Variants in ROBO2 observed in about 807,000 individuals in gnomAD.
ROBO2 encodes the protein roundabout homolog 2.
A neutral mutation model predicts 160.8 loss-of-function variants in ROBO2; 53 were observed. The observed-to-expected ratio is 0.33, with a 90% CI of 0.26 to 0.41. The LOEUF (loss-of-function observed/expected upper bound fraction) is 0.41, where lower values mean the gene tolerates loss of function less well. Ranked by LOEUF, ROBO2 falls within the 10% of genes least tolerant of loss-of-function variation. The pLI is 1.00. For synonymous variants in ROBO2, 664 were observed against 611.7 expected, an observed-to-expected ratio of 1.09 and a Z score of -1.26; for missense variants, 1,577 against 1,722.4, an observed-to-expected ratio of 0.92 and a Z score of 1.49.
intron 2 of ROBO2, among the ~76,000 whole-genome samples, chr3:77,368,132 T>G (rs2153474477): frequency 6.6e-6 from 1 of 152,226 alleles, no homozygotes; most frequent in Non-Finnish European, 1.5e-5. Flanking sequence ...TGGTCATAAG[T>G]TTTTCAAGGG....
At chr3:77,129,945 T>C (rs922782567) in intron 2 of ROBO2, among the ~76,000 whole-genome samples, 1 of 152,124 alleles carries the variant, frequency 6.6e-6, no homozygotes, top group African/African-American at 2.4e-5. Flanking sequence ...TCATTGCACG[T>C]CACCATCAGA....
intron 2 of ROBO2, among the ~76,000 whole-genome samples, chr3:77,440,277 C>G (rs1456468016): frequency 1.3e-5 from 2 of 152,222 alleles, no homozygotes; most frequent in East Asian, 3.9e-4. Context: ...CTTATTGAAT[C>G]CAGGCTTTGT....
chr3:76,364,228 C>T (rs1163967661), intron 2 of ROBO2, among the ~76,000 whole-genome samples: 3 of 152,066 alleles, frequency 2.0e-5, no homozygotes, highest in Admixed American at 6.6e-5. Context: ...ATTTAACTGA[C>T]ACTCCAGGAA....
intron 2 of ROBO2, among the ~76,000 whole-genome samples, chr3:76,550,364 C>A (rs1165648691): frequency 6.6e-6 from 1 of 152,212 alleles, no homozygotes; most frequent in African/African-American, 2.4e-5. Flanking sequence ...CCCTCTGTAT[C>A]CATAAATTCC....
intron 2 of ROBO2, among the ~76,000 whole-genome samples, chr3:76,576,078 A>G (rs370658456): frequency 6.6e-6 from 1 of 152,140 alleles, no homozygotes; most frequent in Non-Finnish European, 1.5e-5. Context: ...AGAAAATTCC[A>G]TAAGTGTGTT....
rs966066373 is a variant in ROBO2, at chr3:77,130,444, G to GT, written c.388+32104_388+32105insT. Among the ~76,000 whole-genome samples the GT allele has an allele frequency of 3.6e-3, 29 of 8,112 alleles. No homozygotes were observed. The South Asian group carries it at 0.068, about 19-fold the overall frequency. 5.3% of individuals were successfully genotyped at this position (8,112 alleles called of 152,430 possible). On this transcript the variant is annotated intron_variant, in intron 2 of 25. Coordinates refer to ENST00000461745, the Ensembl canonical transcript of ROBO2. ...ATAAACAGCAAGTAATAAGTAATTA[G>GT]CAAAAAAAAATAAAGTGAGAAATGT...
At chr3:77,427,058 A>G (rs1026803622) in intron 2 of ROBO2, among the ~76,000 whole-genome samples, 3 of 152,182 alleles carry the variant, frequency 2.0e-5, no homozygotes, top group South Asian at 2.1e-4. Flanking sequence ...TGACATTTCT[A>G]CATGGAAGGT....
exon 23 of ROBO2, chr3:77,622,263 A>G: frequency 6.2e-7 from 1 of 1,614,204 alleles, no homozygotes; most frequent in Non-Finnish European, 8.5e-7. Flanking sequence ...CACAGCCTCC[A>G]GTTCCACCGT....
intron 2 of ROBO2, among the ~76,000 whole-genome samples, chr3:76,710,695 T>C (rs747900489): frequency 1.3e-5 from 2 of 152,108 alleles, no homozygotes; most frequent in East Asian, 3.9e-4. Flanking sequence ...TAGAGAATAA[T>C]GAACTATTGA....
chr3:76,447,714 A>G (rs894187468), intron 2 of ROBO2, among the ~76,000 whole-genome samples: 2 of 151,810 alleles, frequency 1.3e-5, no homozygotes, highest in African/African-American at 4.8e-5. Context: ...ATGCAGCCGT[A>G]TAAAATGATG....
intron 2 of ROBO2, among the ~76,000 whole-genome samples, chr3:76,242,822 C>T (rs1425137524): frequency 3.3e-5 from 5 of 152,024 alleles, no homozygotes; most frequent in African/African-American, 7.2e-5. Context: ...GAGTTGAAGC[C>T]GCAGTGACCC....
At chr3:76,648,677 A>C (rs1017775191) in intron 2 of ROBO2, among the ~76,000 whole-genome samples, 1 of 152,126 alleles carries the variant, frequency 6.6e-6, no homozygotes, top group African/African-American at 2.4e-5. Context: ...TAGATATATG[A>C]GGTCAGGTAT....
chr3:77,126,823 CTG>C (rs1336178775), intron 2 of ROBO2, among the ~76,000 whole-genome samples: 8 of 116,002 alleles, frequency 6.9e-5, no homozygotes, highest in Non-Finnish European at 9.8e-5. Context: ...GAGTCGCACT[CTG>C]TCTCCCAGGC....
chr3:76,496,503 A>G lies in ROBO2; in HGVS notation c.109+558901A>G, dbSNP rs548806512. Among the ~76,000 whole-genome samples, 4 of 152,276 alleles carry G rather than the reference A, an allele frequency of 2.6e-5. No individual in the cohort carries two copies. The South Asian group carries it at 8.3e-4, about 32-fold the overall frequency. Reference sequence around the variant, plus strand: ...TGTTACTAAAGGCTTATTTGCTTCTATATTTTGAAAACCTCTAAATGTACT... The same window carrying G: ...TGTTACTAAAGGCTTATTTGCTTCTGTATTTTGAAAACCTCTAAATGTACT... On this transcript the variant is annotated intron_variant, in intron 2 of 26. Transcript: ENST00000487694.
intron 2 of ROBO2, among the ~76,000 whole-genome samples, chr3:75,993,255 A>C (rs1576410358): frequency 2.0e-5 from 3 of 152,208 alleles, no homozygotes; most frequent in South Asian, 2.1e-4. Context: ...GTGTTGTGGG[A>C]GGGACCCAGT....
intron 2 of ROBO2, among the ~76,000 whole-genome samples, chr3:76,088,447 C>A (rs2069103544): frequency 6.6e-6 from 1 of 151,822 alleles, no homozygotes; most frequent in East Asian, 1.9e-4. Flanking sequence ...GAAGGTTCAC[C>A]AAGATAGATT....
chr3:77,639,014 G>A (rs1306375931), intron 24 of ROBO2, among the ~76,000 whole-genome samples: 3 of 151,670 alleles, frequency 2.0e-5, no homozygotes, highest in Non-Finnish European at 4.4e-5. Flanking sequence ...TTGGTAGGTA[G>A]GGACAGGGTT....
chr3:76,778,710 TGA>T (rs2108580933), intron 2 of ROBO2, among the ~76,000 whole-genome samples: 1 of 151,276 alleles, frequency 6.6e-6, no homozygotes, highest in East Asian at 2.0e-4. Flanking sequence ...TTGCATGGTC[TGA>T]TATGCAGATT....
At chr3:77,383,317 G>A (rs2073751649) in intron 2 of ROBO2, among the ~76,000 whole-genome samples, 1 of 152,004 alleles carries the variant, frequency 6.6e-6, no homozygotes, top group Admixed American at 6.6e-5. Flanking sequence ...TAGGCATGAT[G>A]TTCAATAATG....
Sources: gnomAD v4.1 joint callset for allele counts (sites outside exome capture counted in the v4.1 genomes callset) on GRCh38, gnomAD v4.1.1 for gene constraint, MANE v1.5 for transcripts, NCBI Gene and HGNC (gene_info 2026-07-23, HGNC 2026-07-21) for gene names.